FRMPD1: variants seen among roughly 807,000 people sequenced by gnomAD.
FRMPD1 encodes the protein FERM and PDZ domain containing 1.
A neutral mutation model predicts 117.8 loss-of-function variants in FRMPD1; 76 were observed. The ratio of observed to expected loss-of-function variants is 0.65; its 90% CI spans 0.54 to 0.78. FRMPD1 has a LOEUF of 0.78. FRMPD1 is among the 30% of genes least tolerant of loss of function. FRMPD1 has a pLI of 0.00. For synonymous variants in FRMPD1, 783 were observed against 770.4 expected (o/e 1.02, Z -0.27); for missense variants, 1,786 against 1,964.5 (o/e 0.91, Z 1.72).
Position 37,664,197 on chromosome 9 carries a change from G to C in FRMPD1, c.-5+13103G>C, listed in dbSNP as rs1395411592. Among the ~76,000 whole-genome samples, 3 of 152,254 alleles carry C rather than the reference G, an allele frequency of 2.0e-5. No homozygotes were observed. The East Asian group carries it at 5.8e-4, about 29-fold the overall frequency. On this transcript the variant is annotated intron_variant, in intron 1 of 15. Transcript: ENST00000377765. Reference sequence around the variant, plus strand: ...CACCGAGATGAAAATGTGGGTGACAGATTCAGAGCAGGGAGACCACTGGGC... The same window carrying C: ...CACCGAGATGAAAATGTGGGTGACACATTCAGAGCAGGGAGACCACTGGGC...
At chr9:37,611,472 T>A in the FRMPD1 span, among the ~76,000 whole-genome samples, 1 of 152,234 alleles carries the variant, frequency 6.6e-6, no homozygotes, top group Admixed American at 6.5e-5. Flanking sequence ...ATAAAATGAT[T>A]TTGAAAGGAT....
At chr9:37,667,210 G>A (rs1200306066) in intron 1 of FRMPD1, among the ~76,000 whole-genome samples, 1 of 151,442 alleles carries the variant, frequency 6.6e-6, no homozygotes, top group Non-Finnish European at 1.5e-5. Flanking sequence ...GACCACAGGT[G>A]CGCACCACCA....
intron 6 of FRMPD1, 79 bp downstream of exon 6, chr9:37,719,255 T>G: frequency 2.3e-6 from 2 of 870,086 alleles, no homozygotes; most frequent in Non-Finnish European, 3.9e-6. Context: ...ACCTCTGGAA[T>G]TCCACAGCAC....
intron 6 of FRMPD1, 127 bp downstream of exon 6, chr9:37,719,303 C>A: frequency 3.1e-6 from 2 of 655,680 alleles, no homozygotes; most frequent in South Asian, 1.6e-5. Flanking sequence ...TTGCAAGAGG[C>A]TTTGTGCGCC....
At chr9:37,604,254 TGATTATATTAAA>T in the FRMPD1 span, among the ~76,000 whole-genome samples, 2,622 of 152,282 alleles carry the variant, frequency 0.017, 79 homozygotes, top group African/African-American at 0.06. Flanking sequence ...GTGGCTTTGG[TGATTATATTAAA>T]GATTATATTA....
chr9:37,681,830 C>G (rs1019854899), intron 1 of FRMPD1, among the ~76,000 whole-genome samples: 9 of 152,198 alleles, frequency 5.9e-5, no homozygotes, highest in African/African-American at 2.2e-4. Context: ...CTCCCCTACC[C>G]TCAAGGAGTT....
Position 37,678,149 on chromosome 9 carries a change from T to C in FRMPD1, c.-4-14489T>C, listed in dbSNP as rs571613812. ...AGAACCCTAGAGCTCTCTGGAGATA[T>C]GTGTGGGAGATCTCAGAGTGAATAA... On this transcript the variant is annotated intron_variant, in intron 1 of 15. Coordinates refer to ENST00000377765, the MANE Select transcript of FRMPD1 (RefSeq NM_014907.3). Among the ~76,000 whole-genome samples, 75 of 151,988 alleles carry C rather than the reference T, an allele frequency of 4.9e-4. No individual in the cohort carries two copies. In the Middle Eastern group the frequency reaches 0.014, roughly 28 times the overall value.
intron 7 of FRMPD1, among the ~76,000 whole-genome samples, chr9:37,728,244 G>C (rs1823700652): frequency 1.3e-5 from 2 of 152,126 alleles, no homozygotes. Flanking sequence ...CTAGGAATTG[G>C]GAATGGAGGT....
At chr9:37,621,622 G>A in the FRMPD1 span, among the ~76,000 whole-genome samples, 14 of 152,346 alleles carry the variant, frequency 9.2e-5, no homozygotes, top group African/African-American at 3.4e-4. Context: ...AAAAGAGCAG[G>A]GCTGGCTAAT....
chr9:37,624,255 T>G, the FRMPD1 span, among the ~76,000 whole-genome samples: 1 of 152,222 alleles, frequency 6.6e-6, no homozygotes, highest in African/African-American at 2.4e-5. Context: ...GTTACTGTCC[T>G]TTATTCTCCT....
chr9:37,608,631 C>T, the FRMPD1 span, among the ~76,000 whole-genome samples: 3 of 152,304 alleles, frequency 2.0e-5, no homozygotes, highest in East Asian at 5.8e-4. Context: ...GCACTTGCCA[C>T]TGTGCCTGGC....
At chr9:37,691,051 T>C (rs1162970785) in intron 1 of FRMPD1, among the ~76,000 whole-genome samples, 1 of 152,204 alleles carries the variant, frequency 6.6e-6, no homozygotes, top group Non-Finnish European at 1.5e-5. Context: ...CACATGAACT[T>C]CAGGAACACA....
chr9:37,696,051 C>CTTTTTTTTT (rs61521469), intron 2 of FRMPD1, among the ~76,000 whole-genome samples: 35 of 78,104 alleles, frequency 4.5e-4, no homozygotes, highest in African/African-American at 6.2e-4. Context: ...CATTGTTTTG[C>CTTTTTTTTT]TTTTTTTTTT....
intron 1 of FRMPD1, among the ~76,000 whole-genome samples, chr9:37,691,389 G>A (rs10814602): frequency 0.29 from 44,506 of 152,024 alleles, 6,587 homozygotes; most frequent in South Asian, 0.38. Flanking sequence ...TTGGATCATG[G>A]TACAGAAAAA....
At chr9:37,642,206 G>A in the FRMPD1 span, among the ~76,000 whole-genome samples, 1 of 152,208 alleles carries the variant, frequency 6.6e-6, no homozygotes, top group Non-Finnish European at 1.5e-5. Context: ...GGATGATCTT[G>A]AGCAGGTTAC....
intron 1 of FRMPD1, among the ~76,000 whole-genome samples, chr9:37,679,247 T>A (rs1288484186): frequency 6.6e-6 from 1 of 152,246 alleles, no homozygotes. Context: ...TTTGGGGAAC[T>A]GTAGTTTGCT....
intron 1 of FRMPD1, 119 bp from the exon 2 acceptor site, chr9:37,692,519 C>T: frequency 1.4e-6 from 1 of 728,050 alleles, no homozygotes; most frequent in South Asian, 1.6e-5. Flanking sequence ...AGGGAGAACA[C>T]TAGTTATTCG....
chr9:37,710,724 T>C (rs1236018994), intron 4 of FRMPD1, among the ~76,000 whole-genome samples: 2 of 152,108 alleles, frequency 1.3e-5, no homozygotes, highest in Non-Finnish European at 2.9e-5. Flanking sequence ...CCCAGCACTT[T>C]GGGAGGCCGA....
chr9:37,611,353 T>C, the FRMPD1 span, among the ~76,000 whole-genome samples: 4 of 152,220 alleles, frequency 2.6e-5, no homozygotes, highest in Non-Finnish European at 4.4e-5. Context: ...CGGCCCCACC[T>C]GTCAGCAGAT....
Sources: gnomAD v4.1 joint callset for allele counts (sites outside exome capture counted in the v4.1 genomes callset) on GRCh38, gnomAD v4.1.1 for gene constraint, MANE v1.5 for transcripts, NCBI Gene and HGNC (gene_info 2026-07-23, HGNC 2026-07-21) for gene names.